PIK3C2G: variants seen among roughly 807,000 people sequenced by gnomAD.
The protein encoded by PIK3C2G is phosphatidylinositol 3-kinase C2 domain-containing subunit gamma.
In PIK3C2G, 168 loss-of-function variants were observed where a neutral mutation model predicts 181.1. The observed-to-expected ratio is 0.93, with a 90% confidence interval of 0.82 to 1.05. The LOEUF (loss-of-function observed/expected upper bound fraction) is 1.05, where lower values mean the gene tolerates loss of function less well. Ranked by LOEUF, PIK3C2G falls within the 50% of genes least tolerant of loss-of-function variation. PIK3C2G has a pLI of 0.00. For synonymous variants in PIK3C2G, 573 were observed against 592.2 expected (o/e 0.97, Z 0.47); for missense variants, 1,869 against 1,732.8 (o/e 1.08, Z -1.40).
chr12:18,669,033 T>C, the PIK3C2G span, among the ~76,000 whole-genome samples: 2 of 152,146 alleles, frequency 1.3e-5, no homozygotes. Context: ...ATAGTAATAA[T>C]AATAATAGCT....
At chr12:18,417,020 C>T (rs1218921531) in intron 16 of PIK3C2G, among the ~76,000 whole-genome samples, 2 of 152,088 alleles carry the variant, frequency 1.3e-5, no homozygotes, top group Non-Finnish European at 1.5e-5. Context: ...ATTGGTGATT[C>T]ATGGGAAGAG....
intron 31 of PIK3C2G, among the ~76,000 whole-genome samples, chr12:18,619,710 A>G (rs1388348147): frequency 3.3e-5 from 5 of 151,006 alleles, no homozygotes; most frequent in Non-Finnish European, 7.4e-5. Flanking sequence ...TAATTACATT[A>G]TGGTCAAAGA....
At chr12:18,479,831 T>C (rs1939383327) in intron 18 of PIK3C2G, among the ~76,000 whole-genome samples, 1 of 152,142 alleles carries the variant, frequency 6.6e-6, no homozygotes, top group South Asian at 2.1e-4. Flanking sequence ...TTGTCATAGG[T>C]CGTTGGCCAA....
intron 20 of PIK3C2G, among the ~76,000 whole-genome samples, chr12:18,494,971 T>C (rs1940882290): frequency 6.6e-6 from 1 of 152,070 alleles, no homozygotes; most frequent in Non-Finnish European, 1.5e-5. Context: ...AAATTGAAAG[T>C]AGAAAATATC....
At chr12:18,291,627 G>C (rs1949694613) in intron 4 of PIK3C2G, among the ~76,000 whole-genome samples, 1 of 152,136 alleles carries the variant, frequency 6.6e-6, no homozygotes, top group South Asian at 2.1e-4. Context: ...CCACTATTTT[G>C]CAAAACAGTA....
At position 18,371,260 on chromosome 12, in the gene PIK3C2G, C is replaced by T; in HGVS notation, c.1829C>T (p.Thr610Ile). 1.9e-6 allele frequency: 3 copies of T among 1,612,314 alleles called. No homozygotes were observed. The highest frequency in any genetic ancestry group is 2.5e-6 in the Non-Finnish European group (3 of 1,179,034). Residue 610 changes from threonine to isoleucine, a missense_variant, in exon 13 of 33, where the codon ACC becomes ATC. Transcript: ENST00000538779. ...TVKLFGIACA[T>I]NNANLLAWTC... ...AAACTGTTTGGGATTGCCTGTGCAACCAACAATGCAAATTTACTGGCGTGG... is the reference window on the plus strand; with the variant it reads ...AAACTGTTTGGGATTGCCTGTGCAATCAACAATGCAAATTTACTGGCGTGG...
At chr12:18,420,616 T>C (rs1384702730) in intron 16 of PIK3C2G, among the ~76,000 whole-genome samples, 2 of 152,120 alleles carry the variant, frequency 1.3e-5, no homozygotes, top group Non-Finnish European at 2.9e-5. Flanking sequence ...CTTGGCTAAA[T>C]AAGAAGCAAA....
intron 29 of PIK3C2G, among the ~76,000 whole-genome samples, chr12:18,583,806 A>G (rs1264451633): frequency 6.6e-6 from 1 of 152,014 alleles, no homozygotes; most frequent in African/African-American, 2.4e-5. Flanking sequence ...AGCAACTCAA[A>G]TGGCCAGTTA....
intron 18 of PIK3C2G, among the ~76,000 whole-genome samples, chr12:18,451,378 G>C (rs990432807): frequency 5.9e-5 from 9 of 152,112 alleles, no homozygotes; most frequent in African/African-American, 1.7e-4. Context: ...CTCTATGCTT[G>C]TCTATTATTG....
chr12:18,245,262 C>T (rs532046120), upstream of PIK3C2G, among the ~76,000 whole-genome samples: 1 of 152,012 alleles, frequency 6.6e-6, no homozygotes, highest in Non-Finnish European at 1.5e-5. Flanking sequence ...TGTTTTAGAA[C>T]CTCTCATTTC....
chr12:18,422,747 C>T (rs1218431825), intron 17 of PIK3C2G, among the ~76,000 whole-genome samples: 1 of 152,048 alleles, frequency 6.6e-6, no homozygotes, highest in African/African-American at 2.4e-5. Flanking sequence ...AATGGGCAGA[C>T]ATCTAAAAAG....
At position 18,570,536 on chromosome 12, in the gene PIK3C2G, C is replaced by T. The variant is rs531113552; in HGVS notation, c.4011+3479C>T. On this transcript the variant is annotated intron_variant, in intron 29 of 32. Coordinates refer to ENST00000538779, the MANE Select transcript of PIK3C2G (RefSeq NM_001288772.2). ...GAGATGCACACTTTATTAATACACA[C>T]ACTCAAGCAGCAAGTAGAGAACAAG... 6.0e-5 allele frequency among the ~76,000 whole-genome samples: 9 copies of T among 150,274 alleles called. No homozygotes were observed. The South Asian group carries it at 1.9e-3, about 31-fold the overall frequency.
the PIK3C2G span, among the ~76,000 whole-genome samples, chr12:18,720,820 A>G: frequency 2.0e-5 from 3 of 152,182 alleles, no homozygotes; most frequent in East Asian, 5.8e-4. Context: ...AGGGGAATAA[A>G]CAAATTAAAG....
At chr12:18,288,821 A>G (rs1949564755) in intron 3 of PIK3C2G, among the ~76,000 whole-genome samples, 1 of 152,192 alleles carries the variant, frequency 6.6e-6, no homozygotes, top group African/African-American at 2.4e-5. Context: ...ACAATTTCTT[A>G]TTCTTGGATG....
intron 7 of PIK3C2G, among the ~76,000 whole-genome samples, chr12:18,323,150 G>T (rs1013755613): frequency 1.3e-5 from 2 of 152,140 alleles, no homozygotes; most frequent in Non-Finnish European, 2.9e-5. Flanking sequence ...GCCATTGCCT[G>T]CCCCCTAGCA....
the PIK3C2G span, chr12:18,693,387 C>T: frequency 6.2e-7 from 1 of 1,604,470 alleles, no homozygotes; most frequent in Non-Finnish European, 8.5e-7. Context: ...TGTGGAGCTT[C>T]CTCTCACCCA....
intron 15 of PIK3C2G, among the ~76,000 whole-genome samples, chr12:18,398,664 T>C (rs1030660523): frequency 6.6e-6 from 1 of 152,124 alleles, no homozygotes; most frequent in East Asian, 1.9e-4. Context: ...TGTCAGCAAG[T>C]CAAGGCCCTA....
At chr12:18,641,903 C>T (rs1173892445) in intron 32 of PIK3C2G, among the ~76,000 whole-genome samples, 1 of 152,118 alleles carries the variant, frequency 6.6e-6, no homozygotes, top group East Asian at 1.9e-4. Context: ...GCTCCCACCA[C>T]CACATCCAGC....
intron 6 of PIK3C2G, among the ~76,000 whole-genome samples, chr12:18,316,664 C>T (rs547501696): frequency 5.9e-5 from 9 of 152,014 alleles, no homozygotes; most frequent in Middle Eastern, 6.8e-3. Context: ...CGAGAGGCAG[C>T]GGTTGCAGTG....
Sources: allele counts gnomAD v4.1 joint callset (sites outside exome capture counted in the v4.1 genomes callset), GRCh38; gene constraint gnomAD v4.1.1; transcripts MANE v1.5; gene names NCBI Gene and HGNC (gene_info 2026-07-23, HGNC 2026-07-21).